The following DIP2B variants were observed in gnomAD, a reference collection of about 807,000 sequenced individuals.
The protein encoded by DIP2B is disco-interacting protein 2 homolog B.
A neutral mutation model predicts 198.0 loss-of-function variants in DIP2B; 76 were observed. That is an observed-to-expected ratio of 0.38 (90% confidence interval 0.32 to 0.46). The LOEUF (loss-of-function observed/expected upper bound fraction) is 0.46, where lower values mean the gene tolerates loss of function less well. Among genes scored for constraint, DIP2B ranks in the 20% least tolerant of loss-of-function variants. The pLI is 0.99. For missense variants in DIP2B, 1,559 were observed against 1,978.4 expected (o/e 0.79, Z 4.02); for synonymous variants, 701 against 739.1 (o/e 0.95, Z 0.84).
At chr12:50,657,857 A>G (rs914885025) in intron 3 of DIP2B, among the ~76,000 whole-genome samples, 1 of 152,208 alleles carries the variant, frequency 6.6e-6, no homozygotes, top group African/African-American at 2.4e-5. Context: ...GATTTCCTCC[A>G]GTAGATCCCA....
chr12:50,542,103 A>T (rs942924145), intron 1 of DIP2B, among the ~76,000 whole-genome samples: 2 of 151,534 alleles, frequency 1.3e-5, no homozygotes, highest in Non-Finnish European at 2.9e-5. Flanking sequence ...CATCCTGGCT[A>T]ACACAGTGAA....
At chr12:50,505,526 G>C in intron 1 of DIP2B, among the ~76,000 whole-genome samples, 1 of 152,146 alleles carries the variant, frequency 6.6e-6, no homozygotes, top group East Asian at 1.9e-4. Context: ...CCGAGACAAA[G>C]CTGCGCCCTC....
At chr12:50,671,991 GT>G (rs1318484544) in intron 5 of DIP2B, among the ~76,000 whole-genome samples, 11 of 152,048 alleles carry the variant, frequency 7.2e-5, no homozygotes, top group African/African-American at 2.4e-4. Context: ...TTGTGTGTGT[GT>G]TTTTTTAAAG....
At chr12:50,697,605 C>T (rs961520406) in intron 17 of DIP2B, among the ~76,000 whole-genome samples, 4 of 126,760 alleles carry the variant, frequency 3.2e-5, no homozygotes, top group African/African-American at 1.2e-4. Flanking sequence ...TTATGGCTCA[C>T]TGCAGCCTCA....
chr12:50,537,267 T>C (rs1958279221), intron 1 of DIP2B, among the ~76,000 whole-genome samples: 1 of 132,654 alleles, frequency 7.5e-6, no homozygotes. Context: ...GCCAGATTGC[T>C]TTATAATTGT....
At chr12:50,670,083 C>T (rs1438606800) in intron 4 of DIP2B, among the ~76,000 whole-genome samples, 2 of 151,996 alleles carry the variant, frequency 1.3e-5, no homozygotes, top group East Asian at 1.9e-4. Flanking sequence ...AAATTCCTGA[C>T]TTCTGTTTTC....
rs1939967009 is a variant in DIP2B, at chr12:50,727,953, A to G, written c.3510+141A>G. 1.5e-5 allele frequency: 10 copies of G among 651,728 alleles called. No homozygotes were observed. The East Asian group carries it at 2.2e-4, about 14-fold the overall frequency. 40.4% of individuals were successfully genotyped at this position (651,728 alleles called of 1,614,324 possible). On this transcript the variant is annotated intron_variant, in intron 29 of 37. Coordinates refer to ENST00000301180, the MANE Select transcript of DIP2B (RefSeq NM_173602.3). The stretch of plus-strand genomic sequence containing the variant: ...AGATCTAAGTCGCTGCTCTATTTAA[A>G]TAAAGGCATTGGCTCCTCTGGAATG...
chr12:50,559,014 T>C (rs7138604), intron 1 of DIP2B, among the ~76,000 whole-genome samples: 41,962 of 151,990 alleles, frequency 0.28, 6,097 homozygotes, highest in East Asian at 0.39. Flanking sequence ...GTCTCTAGAA[T>C]AGGGAACACC....
intron 1 of DIP2B, among the ~76,000 whole-genome samples, chr12:50,543,472 A>G (rs1360023095): frequency 6.6e-6 from 1 of 151,872 alleles, no homozygotes; most frequent in Non-Finnish European, 1.5e-5. Flanking sequence ...TATTTTTGGT[A>G]GAGAAGGGGT....
chr12:50,605,065 A>G (rs570245131), intron 1 of DIP2B, among the ~76,000 whole-genome samples: 1 of 152,310 alleles, frequency 6.6e-6, no homozygotes, highest in African/African-American at 2.4e-5. Context: ...ACACATACCC[A>G]TTAATGTAGC....
At chr12:50,536,269 G>GTACATACA (rs1555182421) in intron 1 of DIP2B, among the ~76,000 whole-genome samples, 3 of 56,322 alleles carry the variant, frequency 5.3e-5, no homozygotes, top group South Asian at 1.3e-3. Flanking sequence ...TACTAAATAC[G>GTACATACA]TGCATACATA....
chr12:50,622,076 G>T (rs1190680096), intron 1 of DIP2B, among the ~76,000 whole-genome samples: 1 of 152,218 alleles, frequency 6.6e-6, no homozygotes, highest in East Asian at 1.9e-4. Context: ...TCTGCCAGAT[G>T]TGTTCTGAGC....
intron 1 of DIP2B, among the ~76,000 whole-genome samples, chr12:50,552,237 G>GT (rs1469945365): frequency 6.6e-6 from 1 of 150,614 alleles, no homozygotes; most frequent in African/African-American, 2.4e-5. Flanking sequence ...TTTTAATTGG[G>GT]TTTTTTGTTG....
intron 1 of DIP2B, among the ~76,000 whole-genome samples, chr12:50,573,058 G>A (rs547618391): frequency 3.9e-5 from 6 of 152,330 alleles, no homozygotes; most frequent in Non-Finnish European, 7.3e-5. Context: ...AAATAAAGCC[G>A]CAGAGGGTGT....
intron 4 of DIP2B, among the ~76,000 whole-genome samples, chr12:50,661,304 C>T (rs755973664): frequency 1.3e-5 from 2 of 152,064 alleles, no homozygotes; most frequent in African/African-American, 2.4e-5. Flanking sequence ...CTACTTAATA[C>T]GTCTTTGGGG....
At chr12:50,555,828 T>C (rs982483265) in intron 1 of DIP2B, among the ~76,000 whole-genome samples, 1 of 152,062 alleles carries the variant, frequency 6.6e-6, no homozygotes, top group African/African-American at 2.4e-5. Context: ...TTCCTTTTGC[T>C]TCTTGTCAGT....
intron 1 of DIP2B, among the ~76,000 whole-genome samples, chr12:50,531,344 A>G (rs1958215643): frequency 6.6e-6 from 1 of 152,092 alleles, no homozygotes; most frequent in Non-Finnish European, 1.5e-5. Flanking sequence ...CGCTGCACCC[A>G]GCCAAGGAGA....
chr12:50,728,468 C>G, intron 29 of DIP2B, 80 bp from the exon 30 acceptor site: 1 of 1,485,784 alleles, frequency 6.7e-7, no homozygotes, highest in East Asian at 2.4e-5. Context: ...GGAATTGAAA[C>G]TCCTCAAAGC....
intron 3 of DIP2B, among the ~76,000 whole-genome samples, chr12:50,658,223 G>A (rs1350013164): frequency 6.7e-6 from 1 of 149,934 alleles, no homozygotes; most frequent in African/African-American, 2.5e-5. Flanking sequence ...TGCAACCTCC[G>A]CCTGCTGGGT....
Sources: allele counts gnomAD v4.1 joint callset (sites outside exome capture counted in the v4.1 genomes callset), GRCh38; gene constraint gnomAD v4.1.1; transcripts MANE v1.5; gene names NCBI Gene and HGNC (gene_info 2026-07-23, HGNC 2026-07-21).